Variants in LARP1B observed in about 807,000 individuals in gnomAD.
LARP1B encodes La ribonucleoprotein 1B, also known as la-related protein 1B.
In LARP1B, 76 loss-of-function variants were observed where a neutral mutation model predicts 114.2. That is an observed-to-expected ratio of 0.67 (90% CI 0.55 to 0.81). The LOEUF is 0.81. Among genes scored for constraint, LARP1B ranks in the 30% least tolerant of loss-of-function variants. The pLI, the probability that LARP1B is intolerant of heterozygous loss-of-function variation, is 0.00. For missense variants in LARP1B, 1,014 were observed against 1,075.8 expected (o/e 0.94, Z 0.80); for synonymous variants, 345 against 348.0 (o/e 0.99, Z 0.10).
At chr4:128,216,432 A>C (rs1759476271), downstream of LARP1B, among the ~76,000 whole-genome samples, 1 of 73,164 alleles carries the variant, frequency 1.4e-5, no homozygotes, top group Non-Finnish European at 3.1e-5. Context: ...AACAGAAATT[A>C]TAACAAACTG....
At chr4:128,170,082 C>T (rs951308739) in intron 12 of LARP1B, among the ~76,000 whole-genome samples, 17 of 151,924 alleles carry the variant, frequency 1.1e-4, no homozygotes, top group African/African-American at 3.6e-4. Flanking sequence ...GGAGTGTATT[C>T]GGTGTAATTT....
intron 11 of LARP1B, among the ~76,000 whole-genome samples, chr4:128,157,893 G>T (rs1736536775): frequency 6.6e-6 from 1 of 152,080 alleles, no homozygotes; most frequent in African/African-American, 2.4e-5. Flanking sequence ...AATTTTTCAG[G>T]CAGAGGACAA....
intron 6 of LARP1B, among the ~76,000 whole-genome samples, chr4:128,218,170 C>A (rs1040789697): frequency 3.3e-5 from 4 of 121,250 alleles, no homozygotes; most frequent in Admixed American, 9.4e-5. Context: ...GAAGAACATT[C>A]CATGCTCATG....
chr4:128,211,920 C>A lies in LARP1B; in HGVS notation c.*1867C>A. 3.5e-6 allele frequency: 1 copy of A among 287,638 alleles called. No homozygotes were observed. The highest frequency in any genetic ancestry group is 5.2e-6 in the Non-Finnish European group (1 of 192,344). 17.8% of individuals were successfully genotyped at this position (287,638 alleles called of 1,614,324 possible). ...TTTTATTATAAAAGTAATACATGTA[C>A]ATTGGGAAATTTAGAAAAGCACAAA... On this transcript the variant is annotated 3_prime_UTR_variant, in exon 20 of 20. Coordinates refer to ENST00000326639, the MANE Select transcript of LARP1B (RefSeq NM_018078.4).
chr4:128,089,491 A>G (rs979087979), intron 5 of LARP1B, among the ~76,000 whole-genome samples: 1 of 150,722 alleles, frequency 6.6e-6, no homozygotes, highest in East Asian at 2.0e-4. Flanking sequence ...GCCCACCACT[A>G]TGTCTGGCTA....
chr4:128,129,164 C>CAAAAAAAAAAAAA lies in LARP1B; in HGVS notation c.1524+7004_1524+7016dup, dbSNP rs559312234. Among the ~76,000 whole-genome samples, 13 of 49,138 alleles carry CAAAAAAAAAAAAA rather than the reference C, an allele frequency of 2.6e-4. 2 individuals carry two copies. Among genetic ancestry groups the CAAAAAAAAAAAAA allele is most frequent in the African/African-American group, 9.7e-4 (10 of 10,314 alleles). The allele number at this position is 49,138 out of a possible 152,430, so 32.2% of individuals were successfully genotyped here. A position where few individuals can be genotyped will look rare whatever the true frequency, so the allele number is the denominator to read the frequency against. Reference sequence around the variant, plus strand: ...TGGGCGACAGAGCGAGACTCTGTCTCAAAAAAAAAAAAAAAAAAAAAAAAA... The same window carrying CAAAAAAAAAAAAA: ...TGGGCGACAGAGCGAGACTCTGTCTCAAAAAAAAAAAAAAAAAAAAAAAAAAAAAAAAAAAAAA... On this transcript the variant is annotated intron_variant, in intron 11 of 19. Coordinates refer to ENST00000326639, the MANE Select transcript of LARP1B (RefSeq NM_018078.4).
chr4:128,066,751 A>T (rs1240350079), intron 1 of LARP1B, among the ~76,000 whole-genome samples: 1 of 146,410 alleles, frequency 6.8e-6, no homozygotes, highest in East Asian at 2.1e-4. Context: ...GTGCTGGGAT[A>T]CAGGTGTGAA....
At chr4:128,130,147 G>A (rs1791100798) in intron 11 of LARP1B, among the ~76,000 whole-genome samples, 3 of 152,230 alleles carry the variant, frequency 2.0e-5, no homozygotes, top group Admixed American at 6.5e-5. Flanking sequence ...GAGACCACGA[G>A]TTTGAGACCA....
At chr4:128,098,633 T>G (rs1056261378) in intron 8 of LARP1B, among the ~76,000 whole-genome samples, 37 of 149,936 alleles carry the variant, frequency 2.5e-4, no homozygotes, top group Non-Finnish European at 4.4e-4. Flanking sequence ...TCCTTAAAAC[T>G]TCTTCAGGGC....
At chr4:128,221,829 C>T (rs1472760718) in intron 7 of LARP1B, among the ~76,000 whole-genome samples, 1 of 152,152 alleles carries the variant, frequency 6.6e-6, no homozygotes, top group Non-Finnish European at 1.5e-5. Flanking sequence ...TTGTTAGAAA[C>T]ATGAGTTGAA....
At chr4:128,197,642 C>T (rs934888443) in intron 15 of LARP1B, among the ~76,000 whole-genome samples, 12 of 151,668 alleles carry the variant, frequency 7.9e-5, no homozygotes, top group Non-Finnish European at 1.6e-4. Context: ...TGCAGTGAGC[C>T]GAGATGGCGC....
chr4:128,108,290 G>A (rs1014930242), intron 9 of LARP1B: 4 of 1,038,920 alleles, frequency 3.9e-6, no homozygotes, highest in Non-Finnish European at 2.3e-6. Context: ...CAGAAAAAGA[G>A]GGGATTGAGT....
chr4:128,139,294 G>A (rs1422327937), intron 11 of LARP1B, among the ~76,000 whole-genome samples: 2 of 151,962 alleles, frequency 1.3e-5, no homozygotes, highest in Non-Finnish European at 2.9e-5. Flanking sequence ...TTTTTAAGAA[G>A]CATAAAAAGT....
At chr4:128,184,648 TG>T (rs1397181597) in intron 15 of LARP1B, among the ~76,000 whole-genome samples, 1 of 152,224 alleles carries the variant, frequency 6.6e-6, no homozygotes, top group Non-Finnish European at 1.5e-5. Flanking sequence ...TTGTTAAGTA[TG>T]GTTATTCTAC....
In LARP1B at chr4:128,122,575, C is replaced by G. The variant is rs1788370915; in HGVS notation, c.1524+387C>G. 3.3e-6 allele frequency: 5 copies of G among 1,506,744 alleles called. No homozygotes were observed. The South Asian group carries it at 6.4e-5, about 19-fold the overall frequency. The allele number at this position is 1,506,744 out of a possible 1,614,324, so 93.3% of individuals were successfully genotyped here. A position where few individuals can be genotyped will look rare whatever the true frequency, so the allele number is the denominator to read the frequency against. On this transcript the variant is annotated intron_variant, in intron 11 of 19. Transcript: ENST00000326639. Reference sequence around the variant, plus strand: ...TTATATGCTCATTGCTTACCTGGCTCTCACCGCAGCTGTATGAGCCAGTGG... The same window carrying G: ...TTATATGCTCATTGCTTACCTGGCTGTCACCGCAGCTGTATGAGCCAGTGG...
intron 1 of LARP1B, among the ~76,000 whole-genome samples, chr4:128,064,665 C>A (rs2149266444): frequency 6.6e-6 from 1 of 152,258 alleles, no homozygotes; most frequent in South Asian, 2.1e-4. Context: ...CTCTCTACTT[C>A]TAGACTTACA....
At position 128,120,491 on chromosome 4, in the gene LARP1B, C is replaced by T. The variant is rs142768699; in HGVS notation, c.1162-1335C>T. ...TGAGATGGGGTCTCGCTCTGTCACC[C>T]AGGCTGGAGTACAGTGGCACAATCT... On this transcript the variant is annotated intron_variant, in intron 10 of 19. Coordinates refer to ENST00000326639, the MANE Select transcript of LARP1B (RefSeq NM_018078.4). Among the ~76,000 whole-genome samples the T allele has an allele frequency of 2.8e-3, 429 of 151,500 alleles. 2 individuals carry two copies. Among genetic ancestry groups the T allele is most frequent in the African/African-American group, 9.8e-3 (403 of 41,292 alleles).
intron 14 of LARP1B, chr4:128,179,182 G>A (rs1028683122): frequency 2.6e-6 from 1 of 383,538 alleles, no homozygotes; most frequent in Non-Finnish European, 4.6e-6. Flanking sequence ...ACACTAAGCT[G>A]CACTTCATTT....
chr4:128,111,784 T>G (rs1784200109), intron 9 of LARP1B, among the ~76,000 whole-genome samples: 1 of 151,850 alleles, frequency 6.6e-6, no homozygotes, highest in African/African-American at 2.4e-5. Context: ...TGGGTTCAAG[T>G]GATTTTCCTG....
Sources: gnomAD v4.1 joint callset for allele counts (sites outside exome capture counted in the v4.1 genomes callset) on GRCh38, gnomAD v4.1.1 for gene constraint, MANE v1.5 for transcripts, NCBI Gene and HGNC (gene_info 2026-07-23, HGNC 2026-07-21) for gene names.